OXSR1: variants seen among roughly 807,000 people sequenced by gnomAD.
OXSR1 encodes oxidative stress responsive kinase 1, also known as serine/threonine-protein kinase OSR1.
In OXSR1, 24 loss-of-function variants were observed where a neutral mutation model predicts 79.8. That is an observed-to-expected ratio of 0.30 (90% CI 0.22 to 0.42). The LOEUF is 0.42. Among genes scored for constraint, OXSR1 ranks in the 10% least tolerant of loss-of-function variants. OXSR1 has a pLI of 1.00. For missense variants in OXSR1, 430 were observed against 618.4 expected (o/e 0.70, Z 3.23); for synonymous variants, 226 against 209.2 (o/e 1.08, Z -0.69).
At position 38,183,150 on chromosome 3, in the gene OXSR1, A is replaced by G. The variant is rs776122697; in HGVS notation, c.183+35A>G. 4 of 1,086,054 alleles carry G rather than the reference A, an allele frequency of 3.7e-6. No individual in the cohort carries two copies. In the South Asian group the frequency reaches 5.4e-5, roughly 15 times the overall value. The allele number at this position is 1,086,054 out of a possible 1,614,324, so 67.3% of individuals were successfully genotyped here. On this transcript the variant is annotated intron_variant, in intron 2 of 17. Transcript: ENST00000311806. ...TCTTATACTTCTGAAATGGAGAGAT[A>G]TACTCATATATTCACATTACAATGG...
At chr3:38,198,923 T>A (rs1272776429) in intron 4 of OXSR1, 60 bp downstream of exon 4, 22 of 1,428,862 alleles carry the variant, frequency 1.5e-5, no homozygotes, top group Admixed American at 1.8e-5. Flanking sequence ...CCCACTCTTT[T>A]ACAGAATCGT....
chr3:38,212,693 G>A (rs1279931051), intron 4 of OXSR1, among the ~76,000 whole-genome samples: 1 of 152,174 alleles, frequency 6.6e-6, no homozygotes, highest in East Asian at 1.9e-4. Context: ...TAGAAGGAGT[G>A]TGTAACTTTG....
chr3:38,248,167 T>C (rs941350946), intron 14 of OXSR1, among the ~76,000 whole-genome samples: 3 of 152,066 alleles, frequency 2.0e-5, no homozygotes, highest in Admixed American at 1.3e-4. Flanking sequence ...ATAAAGGCCT[T>C]GTTTTTAGAA....
At chr3:38,185,725 TTGAG>T (rs1701872728) in intron 2 of OXSR1, among the ~76,000 whole-genome samples, 1 of 152,090 alleles carries the variant, frequency 6.6e-6, no homozygotes, top group African/African-American at 2.4e-5. Flanking sequence ...GGAGGATCAC[TTGAG>T]GCTAGGAGTT....
At chr3:38,232,138 C>T (rs898400759) in intron 10 of OXSR1, among the ~76,000 whole-genome samples, 5 of 151,780 alleles carry the variant, frequency 3.3e-5, no homozygotes, top group Admixed American at 6.6e-5. Flanking sequence ...AGCCTCAGAC[C>T]GGGGATATGG....
At position 38,165,903 on chromosome 3, in the gene OXSR1, C is replaced by T; in HGVS notation, c.27C>T (p.Pro9=). 1.2e-6 allele frequency: 2 copies of T among 1,611,966 alleles called. No individual in the cohort carries two copies. Among genetic ancestry groups the T allele is most frequent in the South Asian group, 1.1e-5 (1 of 90,890 alleles). ...TGTCCGAGGACTCGAGCGCCCTGCC[C>T]TGGTCCATCAACAGGGACGATTACG... MSEDSSAL[P]WSINRDDYEL... Residue 9 remains proline, a synonymous_variant, in exon 1 of 18, where the codon CCC becomes CCT. Coordinates refer to ENST00000311806, the MANE Select transcript of OXSR1 (RefSeq NM_005109.3).
rs34034875 is a variant in OXSR1 at position 38,229,465 on chromosome 3, T to C, written c.837-222T>C. Among the ~76,000 whole-genome samples the C allele has an allele frequency of 2.0e-5, 3 of 152,218 alleles. No homozygotes were observed. The East Asian group carries it at 5.8e-4, about 29-fold the overall frequency. On this transcript the variant is annotated intron_variant, in intron 8 of 17. Coordinates refer to ENST00000311806, the MANE Select transcript of OXSR1 (RefSeq NM_005109.3). ...TTTCACTAATGATTTTTTCAAAGAA[T>C]CTACAATAATTATCAGAATATTTGT...
intron 3 of OXSR1, among the ~76,000 whole-genome samples, chr3:38,193,701 GGA>G (rs895529516): frequency 4.0e-5 from 6 of 151,362 alleles, no homozygotes; most frequent in Admixed American, 2.6e-4. Context: ...GTAGATGGAT[GGA>G]ATGTCTTTTA....
intron 11 of OXSR1, among the ~76,000 whole-genome samples, chr3:38,237,964 A>G (rs558762866): frequency 1.3e-5 from 2 of 152,258 alleles, no homozygotes; most frequent in South Asian, 2.1e-4. Context: ...TTATAGTTCT[A>G]CCTTCCTGTG....
At chr3:38,211,297 CTG>C (rs1293941248) in intron 4 of OXSR1, among the ~76,000 whole-genome samples, 1 of 152,158 alleles carries the variant, frequency 6.6e-6, no homozygotes, top group African/African-American at 2.4e-5. Context: ...GTCCAGCTCT[CTG>C]TGGCACGGTC....
At chr3:38,250,410 G>A (rs979102315) in intron 15 of OXSR1, among the ~76,000 whole-genome samples, 2 of 152,100 alleles carry the variant, frequency 1.3e-5, no homozygotes, top group African/African-American at 2.4e-5. Flanking sequence ...GGTATAGCTG[G>A]AATTCAAACC....
rs1183191577 is a variant in OXSR1 at position 38,190,253 on chromosome 3, CGTT to C, written c.184-475_184-473del. On this transcript the variant is annotated intron_variant, in intron 2 of 17. Transcript: ENST00000311806. ...TTTCTACTCTGGATTTAGTTTTTGA[CGTT>C]GTCCTGTTTCAGTTTGTTTCTCTTT... 5.3e-5 allele frequency among the ~76,000 whole-genome samples: 8 copies of C among 151,988 alleles called. No individual in the cohort carries two copies. In the South Asian group the frequency reaches 1.0e-3, roughly 20 times the overall value.
chr3:38,182,824 A>G (rs1237245214), intron 1 of OXSR1, among the ~76,000 whole-genome samples, 179 bp from the exon 2 acceptor site: 1 of 152,180 alleles, frequency 6.6e-6, no homozygotes, highest in African/African-American at 2.4e-5. Flanking sequence ...TATTGGCAGT[A>G]CATATGAAAT....
rs574940229 is a variant in OXSR1 at position 38,175,818 on chromosome 3, T to C, written c.71-7185T>C. 2.6e-5 allele frequency among the ~76,000 whole-genome samples: 4 copies of C among 152,228 alleles called. No individual in the cohort carries two copies. In the South Asian group the frequency reaches 8.3e-4, roughly 32 times the overall value. On this transcript the variant is annotated intron_variant, in intron 1 of 17. Coordinates refer to ENST00000311806, the MANE Select transcript of OXSR1 (RefSeq NM_005109.3). Reference sequence around the variant, plus strand: ...CGTTGGTTGCAGTTAAAGAACTAACTAGGAGAGGACAGAAGAAGAGTGGAA... The same window carrying C: ...CGTTGGTTGCAGTTAAAGAACTAACCAGGAGAGGACAGAAGAAGAGTGGAA...
At chr3:38,212,072 A>G (rs1415418918) in intron 4 of OXSR1, among the ~76,000 whole-genome samples, 1 of 152,184 alleles carries the variant, frequency 6.6e-6, no homozygotes, top group Admixed American at 6.6e-5. Flanking sequence ...ACTGTCAGAA[A>G]TTTATTTAAT....
intron 10 of OXSR1, among the ~76,000 whole-genome samples, chr3:38,235,141 T>A (rs1702893301): frequency 6.6e-6 from 1 of 152,150 alleles, no homozygotes; most frequent in Admixed American, 6.5e-5. Context: ...TAGGGAGTGA[T>A]AAAAATGTTC....
At chr3:38,214,130 A>G (rs1702439239) in intron 4 of OXSR1, among the ~76,000 whole-genome samples, 1 of 150,518 alleles carries the variant, frequency 6.6e-6, no homozygotes, top group Admixed American at 6.6e-5. Context: ...GGGAGGGAAC[A>G]GTGTGTGGTT....
At chr3:38,230,240 G>A (rs925839538) in intron 9 of OXSR1, 125 bp from the exon 10 acceptor site, 7 of 685,644 alleles carry the variant, frequency 1.0e-5, no homozygotes, top group Non-Finnish European at 1.8e-5. Flanking sequence ...AAGAATGAAA[G>A]TTTTTCTCAC....
chr3:38,221,110 G>T (rs1702579222), intron 5 of OXSR1, among the ~76,000 whole-genome samples: 2 of 152,112 alleles, frequency 1.3e-5, no homozygotes, highest in Non-Finnish European at 2.9e-5. Flanking sequence ...ATTTCATTCT[G>T]TAGGAGTTTC....
Sources: allele counts gnomAD v4.1 joint callset (sites outside exome capture counted in the v4.1 genomes callset), GRCh38; gene constraint gnomAD v4.1.1; transcripts MANE v1.5; gene names NCBI Gene and HGNC (gene_info 2026-07-23, HGNC 2026-07-21).